Variants in PPM1L observed in about 807,000 individuals in gnomAD.
PPM1L encodes the protein protein phosphatase 1L.
PPM1L carries 13 observed loss-of-function variants against 31.4 expected under a neutral mutation model. That is an observed-to-expected ratio of 0.41 (90% CI 0.27 to 0.66). The LOEUF (loss-of-function observed/expected upper bound fraction) is 0.66. Ranked by LOEUF, PPM1L falls within the 30% of genes least tolerant of loss-of-function variation. PPM1L has a pLI of 0.29. For missense variants in PPM1L, 326 were observed against 453.7 expected (o/e 0.72, Z 2.56); for synonymous variants, 184 against 175.4 (o/e 1.05, Z -0.39).
chr3:160,975,469 G>A (rs762680551), intron 2 of PPM1L, among the ~76,000 whole-genome samples: 7 of 152,256 alleles, frequency 4.6e-5, no homozygotes, highest in South Asian at 2.1e-4. Context: ...TGGGCAGTAT[G>A]GCCATTTTCA....
rs1712128616 is a variant in PPM1L at position 160,867,332 on chromosome 3, T to TA, written c.400-94404_400-94403insA. 4.0e-5 allele frequency among the ~76,000 whole-genome samples: 6 copies of TA among 151,242 alleles called. No individual in the cohort carries two copies. In the South Asian group the frequency reaches 1.2e-3, roughly 31 times the overall value. ...CCTGAAATGAGTTCCATGTTCTTTT[T>TA]TTTTTTTTTTTTGCATTAGAGAAAA... On this transcript the variant is annotated intron_variant, in intron 1 of 3. Coordinates refer to ENST00000498165, the MANE Select transcript of PPM1L (RefSeq NM_139245.4).
intron 1 of PPM1L, among the ~76,000 whole-genome samples, chr3:160,904,692 A>G (rs1713681693): frequency 6.6e-6 from 1 of 151,288 alleles, no homozygotes; most frequent in African/African-American, 2.4e-5. Context: ...GCAGTGTCTT[A>G]TTATCATAGG....
chr3:160,763,406 A>G (rs1715020227), intron 1 of PPM1L, among the ~76,000 whole-genome samples: 1 of 152,254 alleles, frequency 6.6e-6, no homozygotes, highest in Admixed American at 6.5e-5. Context: ...TTATAGGAAT[A>G]AAACTGATAT....
intron 1 of PPM1L, among the ~76,000 whole-genome samples, chr3:160,798,099 A>G (rs1209594975): frequency 6.6e-6 from 1 of 152,082 alleles, no homozygotes; most frequent in Non-Finnish European, 1.5e-5. Context: ...AATCTCTTGA[A>G]CCAGGGAGGT....
At chr3:160,771,524 C>T (rs7644033) in intron 1 of PPM1L, among the ~76,000 whole-genome samples, 3,713 of 142,806 alleles carry the variant, frequency 0.026, 159 homozygotes, top group African/African-American at 0.089. Flanking sequence ...ATTATAGTCA[C>T]GAGCCACCAA....
At chr3:161,060,432 C>T (rs751732925) in intron 2 of PPM1L, among the ~76,000 whole-genome samples, 1 of 152,150 alleles carries the variant, frequency 6.6e-6, no homozygotes, top group Non-Finnish European at 1.5e-5. Flanking sequence ...TTGTTTCTCA[C>T]CTGGACTACT....
At chr3:160,923,295 C>T (rs996662897) in intron 1 of PPM1L, among the ~76,000 whole-genome samples, 3 of 152,150 alleles carry the variant, frequency 2.0e-5, no homozygotes, top group East Asian at 1.9e-4. Flanking sequence ...GAATGAGTCA[C>T]GTGTTATAGA....
chr3:160,867,326 T>C (rs1042207744), intron 1 of PPM1L, among the ~76,000 whole-genome samples: 4 of 128,924 alleles, frequency 3.1e-5, no homozygotes, highest in Non-Finnish European at 7.1e-5. Flanking sequence ...AGTTCCATGT[T>C]CTTTTTTTTT....
intron 1 of PPM1L, among the ~76,000 whole-genome samples, chr3:160,761,382 A>G (rs1714964009): frequency 1.3e-5 from 2 of 152,188 alleles, no homozygotes; most frequent in Non-Finnish European, 2.9e-5. Flanking sequence ...TAGCTCTGAG[A>G]AATAACTGCA....
intron 1 of PPM1L, among the ~76,000 whole-genome samples, chr3:160,796,576 T>C (rs1300223619): frequency 6.6e-6 from 1 of 152,240 alleles, no homozygotes; most frequent in African/African-American, 2.4e-5. Flanking sequence ...GTTTGAGTAT[T>C]CTGCCTGTTA....
chr3:160,868,694 C>T lies in PPM1L; in HGVS notation c.400-93042C>T, dbSNP rs576820684. On this transcript the variant is annotated intron_variant, in intron 1 of 3. Transcript: ENST00000498165. ...GTAAAGTGGACAGATTTTAATGACA[C>T]TTAGGAACTGAGGCTTTTTTTTTTT... 1.0e-4 allele frequency among the ~76,000 whole-genome samples: 15 copies of T among 148,300 alleles called. No homozygotes were observed. In the South Asian group the frequency reaches 3.0e-3, roughly 29 times the overall value.
chr3:160,786,660 T>C (rs746119367), intron 1 of PPM1L, among the ~76,000 whole-genome samples: 2 of 151,822 alleles, frequency 1.3e-5, no homozygotes, highest in Non-Finnish European at 2.9e-5. Context: ...AAATTGCATG[T>C]CATGGGGGTT....
chr3:160,847,956 T>G (rs1358817335), intron 1 of PPM1L, among the ~76,000 whole-genome samples: 2 of 152,186 alleles, frequency 1.3e-5, no homozygotes, highest in Non-Finnish European at 2.9e-5. Context: ...TGTCCTCTGT[T>G]GCTGGAATTA....
chr3:160,841,436 T>C (rs1713876607), intron 1 of PPM1L, among the ~76,000 whole-genome samples: 1 of 152,130 alleles, frequency 6.6e-6, no homozygotes, highest in African/African-American at 2.4e-5. Context: ...GGAAAAGGAA[T>C]GCAGAGCTAC....
intron 2 of PPM1L, among the ~76,000 whole-genome samples, chr3:160,974,437 G>A (rs1226338353): frequency 6.6e-6 from 1 of 151,594 alleles, no homozygotes; most frequent in Non-Finnish European, 1.5e-5. Flanking sequence ...GATCCCTGAG[G>A]AATCGCCACA....
chr3:160,789,013 A>G (rs1274896238), intron 1 of PPM1L, among the ~76,000 whole-genome samples: 2 of 151,952 alleles, frequency 1.3e-5, no homozygotes, highest in African/African-American at 2.4e-5. Flanking sequence ...TCTGGTTGCA[A>G]ACAATAACAG....
chr3:161,055,787 C>G (rs570564872), intron 2 of PPM1L, among the ~76,000 whole-genome samples: 1 of 152,094 alleles, frequency 6.6e-6, no homozygotes, highest in African/African-American at 2.4e-5. Context: ...CTCTCTCTCT[C>G]TTTCCTAAAG....
chr3:161,049,520 T>G lies in PPM1L; in HGVS notation c.575-15883T>G, dbSNP rs528959521. Among the ~76,000 whole-genome samples, 10 of 152,312 alleles carry G rather than the reference T, an allele frequency of 6.6e-5. No homozygotes were observed. The South Asian group carries it at 2.1e-3, about 32-fold the overall frequency. ...AATAAGGTTCTACATCTTGCAGAAA[T>G]TTTTAAAAGCCTGATTTAGGGTGTC... On this transcript the variant is annotated intron_variant, in intron 2 of 3. Transcript: ENST00000498165.
chr3:160,822,894 G>A (rs1713244156), intron 1 of PPM1L, among the ~76,000 whole-genome samples: 1 of 151,812 alleles, frequency 6.6e-6, no homozygotes, highest in Admixed American at 6.6e-5. Context: ...ATATCTAAAA[G>A]GAAGAGCTAG....
Sources: gnomAD v4.1 joint callset for allele counts (sites outside exome capture counted in the v4.1 genomes callset) on GRCh38, gnomAD v4.1.1 for gene constraint, MANE v1.5 for transcripts, NCBI Gene and HGNC (gene_info 2026-07-23, HGNC 2026-07-21) for gene names.